Variants in CLVS1 observed in about 807,000 individuals in gnomAD.
CLVS1 encodes clavesin 1.
In CLVS1, 10 loss-of-function variants were observed where a neutral mutation model predicts 33.1. The ratio of observed to expected loss-of-function variants is 0.30; its 90% CI spans 0.19 to 0.51. CLVS1 has a LOEUF of 0.51. Among genes scored for constraint, CLVS1 ranks in the 20% least tolerant of loss-of-function variants. CLVS1 has a pLI of 0.97. For missense variants in CLVS1, 343 were observed against 433.4 expected (o/e 0.79, Z 1.85); for synonymous variants, 163 against 166.1 (o/e 0.98, Z 0.14).
At chr8:61,046,854 T>C in the CLVS1 span, among the ~76,000 whole-genome samples, 82 of 152,210 alleles carry the variant, frequency 5.4e-4, no homozygotes, top group African/African-American at 1.9e-3. Flanking sequence ...CCTGAGACTT[T>C]GCTGAAGTTG....
chr8:61,213,617 A>G lies in CLVS1; in HGVS notation c.-152+81757A>G, dbSNP rs573087751. On this transcript the variant is annotated intron_variant, in intron 2 of 2. Transcript: ENST00000522621. ...TTCATGGACACTTATCACTTCCCCAATCAATACCCTTGTGATTTCCTACAC... is the reference window on the plus strand; with the variant it reads ...TTCATGGACACTTATCACTTCCCCAGTCAATACCCTTGTGATTTCCTACAC... Among the ~76,000 whole-genome samples, 3 of 152,124 alleles carry G rather than the reference A, an allele frequency of 2.0e-5. No individual in the cohort carries two copies. The South Asian group carries it at 6.2e-4, about 32-fold the overall frequency.
chr8:61,017,730 A>G, the CLVS1 span, among the ~76,000 whole-genome samples: 1 of 152,218 alleles, frequency 6.6e-6, no homozygotes, highest in Non-Finnish European at 1.5e-5. Context: ...GAAGCAGGTG[A>G]GCATGCACTG....
chr8:61,284,476 T>C (rs1809737297), upstream of CLVS1, among the ~76,000 whole-genome samples: 1 of 152,210 alleles, frequency 6.6e-6, no homozygotes, highest in Non-Finnish European at 1.5e-5. Flanking sequence ...AAACATCATA[T>C]TGTACCCCAT....
chr8:61,088,279 A>G (rs987261769), intron 1 of CLVS1, among the ~76,000 whole-genome samples: 7 of 152,162 alleles, frequency 4.6e-5, no homozygotes, highest in Admixed American at 4.6e-4. Context: ...ACTTGAGGTC[A>G]GGAGTTCGAG....
chr8:61,406,890 C>T lies in CLVS1; in HGVS notation c.630+30111C>T, dbSNP rs975060853. Reference sequence around the variant, plus strand: ...TCCCAAAGTGCTGGGATTACAGGTGCGAGCTGCCGCGCCAGGCCGACATAA... The same window carrying T: ...TCCCAAAGTGCTGGGATTACAGGTGTGAGCTGCCGCGCCAGGCCGACATAA... On this transcript the variant is annotated intron_variant, in intron 3 of 5. Coordinates refer to ENST00000325897, the MANE Select transcript of CLVS1 (RefSeq NM_173519.3). Among the ~76,000 whole-genome samples, 3 of 152,096 alleles carry T rather than the reference C, an allele frequency of 2.0e-5. No homozygotes were observed. In the East Asian group the frequency reaches 5.8e-4, roughly 29 times the overall value.
intron 2 of CLVS1, among the ~76,000 whole-genome samples, chr8:61,174,041 C>T (rs1471561937): frequency 6.6e-6 from 1 of 152,126 alleles, no homozygotes; most frequent in Non-Finnish European, 1.5e-5. Flanking sequence ...CTGCTCTAGT[C>T]CTGTCTGACA....
At chr8:61,375,797 C>T (rs1813617089) in intron 2 of CLVS1, among the ~76,000 whole-genome samples, 1 of 152,136 alleles carries the variant, frequency 6.6e-6, no homozygotes. Flanking sequence ...ATTTATAGCT[C>T]AGATAATTTA....
intron 2 of CLVS1, among the ~76,000 whole-genome samples, chr8:61,170,765 A>C (rs78334294): frequency 6.6e-6 from 1 of 152,200 alleles, no homozygotes. Flanking sequence ...TTCCAAAACT[A>C]TGATTATTAA....
rs377306150 is a variant in CLVS1 at position 61,150,504 on chromosome 8, C to T, written c.-152+18644C>T. Among the ~76,000 whole-genome samples the T allele has an allele frequency of 2.0e-5, 3 of 152,258 alleles. No individual in the cohort carries two copies. In the East Asian group the frequency reaches 5.8e-4, roughly 29 times the overall value. On this transcript the variant is annotated intron_variant, in intron 2 of 2. Coordinates refer to the CLVS1 transcript ENST00000522621. ...ATCCAGTTTCTATGGGGGTCGGGGGCGTTTGGGAAGCCTGGCTTTGATTCC... is the reference window on the plus strand; with the variant it reads ...ATCCAGTTTCTATGGGGGTCGGGGGTGTTTGGGAAGCCTGGCTTTGATTCC...
intron 5 of CLVS1, among the ~76,000 whole-genome samples, chr8:61,475,199 C>A (rs377248823): frequency 2.0e-5 from 3 of 152,048 alleles, no homozygotes; most frequent in Non-Finnish European, 4.4e-5. Flanking sequence ...TCTATCATTG[C>A]TGGACATTTG....
At chr8:61,424,743 G>T (rs1815816081) in intron 3 of CLVS1, among the ~76,000 whole-genome samples, 1 of 152,116 alleles carries the variant, frequency 6.6e-6, no homozygotes. Context: ...AGGTAGCTAA[G>T]AATTTGCTGT....
intron 2 of CLVS1, among the ~76,000 whole-genome samples, chr8:61,238,967 A>T (rs183453034): frequency 2.0e-5 from 3 of 152,232 alleles, no homozygotes; most frequent in Admixed American, 6.5e-5. Flanking sequence ...CATTCTGCCA[A>T]GTTTCTTTCA....
the CLVS1 span, among the ~76,000 whole-genome samples, chr8:60,974,498 A>G: frequency 2.6e-5 from 4 of 152,162 alleles, no homozygotes; most frequent in African/African-American, 7.2e-5. Context: ...GACTTCCTCA[A>G]AGTTTCTAGC....
At chr8:61,286,283 G>C (rs189939696), upstream of CLVS1, among the ~76,000 whole-genome samples, 1 of 152,280 alleles carries the variant, frequency 6.6e-6, no homozygotes, top group Non-Finnish European at 1.5e-5. Flanking sequence ...GGGCTGGAAA[G>C]TGTGGGCAAG....
chr8:61,026,547 T>C, the CLVS1 span, among the ~76,000 whole-genome samples: 1 of 152,150 alleles, frequency 6.6e-6, no homozygotes, highest in Non-Finnish European at 1.5e-5. Context: ...GGGAATTCCT[T>C]GATGGTGCAT....
intron 2 of CLVS1, among the ~76,000 whole-genome samples, chr8:61,362,217 A>G (rs1813012026): frequency 1.3e-5 from 2 of 152,210 alleles, no homozygotes; most frequent in African/African-American, 4.8e-5. Flanking sequence ...AGGTCTCCCT[A>G]AGAATGGGAC....
chr8:61,091,566 G>A (rs1178445460), intron 1 of CLVS1, among the ~76,000 whole-genome samples: 5 of 152,070 alleles, frequency 3.3e-5, no homozygotes, highest in African/African-American at 1.2e-4. Flanking sequence ...TATAACTGGT[G>A]AATCTATTTT....
chr8:61,440,899 T>G (rs935573721), intron 3 of CLVS1, among the ~76,000 whole-genome samples: 23 of 152,204 alleles, frequency 1.5e-4, no homozygotes, highest in African/African-American at 5.5e-4. Context: ...GCCCAGTTTC[T>G]TTTCTAATGA....
chr8:61,130,022 G>C (rs571044381), intron 1 of CLVS1, among the ~76,000 whole-genome samples: 2 of 152,200 alleles, frequency 1.3e-5, no homozygotes, highest in East Asian at 3.9e-4. Context: ...TGGATCACTT[G>C]AGGCCAGGAG....
Sources: allele counts gnomAD v4.1 joint callset (sites outside exome capture counted in the v4.1 genomes callset), GRCh38; gene constraint gnomAD v4.1.1; transcripts MANE v1.5; gene names NCBI Gene and HGNC (gene_info 2026-07-23, HGNC 2026-07-21).